The following PIK3C2A variants were observed in gnomAD, a reference collection of about 807,000 sequenced individuals.
The protein encoded by PIK3C2A is phosphatidylinositol-4-phosphate 3-kinase catalytic subunit type 2 alpha.
Under a neutral mutation model 204.5 loss-of-function variants are expected in PIK3C2A, and 97 were observed. The observed-to-expected ratio is 0.47, with a 90% confidence interval of 0.40 to 0.56. The LOEUF is 0.56. PIK3C2A is among the 20% of genes least tolerant of loss of function. The probability of loss-of-function intolerance (pLI) is 0.00; values close to 1 mark genes in which losing one functional copy is unlikely to be tolerated. For synonymous variants in PIK3C2A, 653 were observed against 664.4 expected (o/e 0.98, Z 0.26); for missense variants, 1,735 against 1,969.2 (o/e 0.88, Z 2.25).
intron 21 of PIK3C2A, among the ~76,000 whole-genome samples, chr11:17,110,900 T>C (rs930920340): frequency 3.3e-5 from 5 of 151,970 alleles, no homozygotes; most frequent in African/African-American, 4.8e-5. Flanking sequence ...TATTCAATTA[T>C]TTATTTATTT....
chr11:17,146,734 A>G (rs1424833969), intron 6 of PIK3C2A, among the ~76,000 whole-genome samples: 1 of 152,002 alleles, frequency 6.6e-6, no homozygotes, highest in East Asian at 1.9e-4. Context: ...AAGAAAAAAA[A>G]AAAGAACATC....
At chr11:17,175,875 A>G (rs922787703) in intron 1 of PIK3C2A, among the ~76,000 whole-genome samples, 1 of 152,208 alleles carries the variant, frequency 6.6e-6, no homozygotes, top group Non-Finnish European at 1.5e-5. Flanking sequence ...TGTTTTCCTG[A>G]TCTTAAAATT....
chr11:17,166,972 A>G (rs986676901), intron 2 of PIK3C2A, among the ~76,000 whole-genome samples: 5 of 151,978 alleles, frequency 3.3e-5, no homozygotes, highest in East Asian at 1.9e-4. Context: ...CTTCCCCCCA[A>G]CTGCCCCTTT....
At chr11:17,138,270 G>T in intron 8 of PIK3C2A, 1 of 767,814 alleles carries the variant, frequency 1.3e-6, no homozygotes. Context: ...GGACAGGCTA[G>T]GAAAGCCTAT....
intron 24 of PIK3C2A, among the ~76,000 whole-genome samples, chr11:17,101,983 A>G (rs1047204946): frequency 3.3e-5 from 5 of 152,232 alleles, no homozygotes; most frequent in Admixed American, 3.3e-4. Context: ...ATTTCCTTAC[A>G]TATGAAAATA....
In PIK3C2A at chr11:17,189,490, C is replaced by T. The variant is rs1851867765; in HGVS notation, c.-66+18358G>A. The stretch of plus-strand genomic sequence containing the variant: ...ATTAGCTGGGCATGGTAGCACAGGC[C>T]TGTAATCCCAGATACTCAGGAGACT... On this transcript the variant is annotated intron_variant, in intron 1 of 32. Transcript: ENST00000691414. 1.4e-5 allele frequency among the ~76,000 whole-genome samples: 2 copies of T among 146,062 alleles called. 1 individual carries two copies. Among genetic ancestry groups the T allele is most frequent in the African/African-American group, 5.6e-5 (2 of 35,860 alleles).
chr11:17,165,697 C>T (rs1025812624), intron 2 of PIK3C2A, among the ~76,000 whole-genome samples: 1 of 144,848 alleles, frequency 6.9e-6, no homozygotes, highest in African/African-American at 2.6e-5. Flanking sequence ...ATCGCTTGAA[C>T]CCAGCAGGCA....
rs1361778476 is a variant in PIK3C2A at position 17,089,768 on chromosome 11, C to G, written c.5031G>C (p.Trp1677Cys). The G allele has an allele frequency of 6.2e-7, 1 of 1,613,770 alleles. No individual in the cohort carries two copies. Among genetic ancestry groups the G allele is most frequent in the Middle Eastern group, 1.7e-4 (1 of 6,058 alleles). Residue 1677 changes from tryptophan (W) to cysteine (C), a missense_variant, in exon 33 of 33, where the codon TGG becomes TGC. This residue lies in a region of PIK3C2A where 503 missense variants were observed against 669.0 expected (regional missense o/e 0.75). Coordinates refer to ENST00000691414, the MANE Select transcript of PIK3C2A (RefSeq NM_002645.4). ...AGTATGTTGCCGCAGTCAGCTGATA[C>G]CATTTAACCGTCTCTTTGCTCAAGT... Reference protein sequence around the residue: ...DFNLSKETVKWYQLTAATYL With the variant: ...DFNLSKETVKCYQLTAATYL
At chr11:17,109,950 A>C (rs950546511) in intron 22 of PIK3C2A, among the ~76,000 whole-genome samples, 1 of 152,052 alleles carries the variant, frequency 6.6e-6, no homozygotes, top group African/African-American at 2.4e-5. Context: ...AGGTTAAAAA[A>C]ATTTTTTTTT....
intron 2 of PIK3C2A, among the ~76,000 whole-genome samples, chr11:17,159,399 C>T (rs147330474): frequency 3.7e-4 from 56 of 152,274 alleles, no homozygotes; most frequent in Non-Finnish European, 6.3e-4. Flanking sequence ...AAGAAGTTTG[C>T]AGGGGAAGAT....
At position 17,091,039 on chromosome 11, in the gene PIK3C2A, G is replaced by A. The variant is rs886429821; in HGVS notation, c.4878+295C>T. On this transcript the variant is annotated intron_variant, in intron 32 of 32. Coordinates refer to ENST00000691414, the MANE Select transcript of PIK3C2A (RefSeq NM_002645.4). ...TAGGATTACAGGCATGAGCCACTGC[G>A]CCTGGCCTTAAAATGTTTTAAAATT... 2.6e-5 allele frequency among the ~76,000 whole-genome samples: 4 copies of A among 151,810 alleles called. No individual in the cohort carries two copies. The East Asian group carries it at 5.8e-4, about 22-fold the overall frequency.
intron 1 of PIK3C2A, among the ~76,000 whole-genome samples, chr11:17,181,622 ATATATATATATATATATATAT>A (rs1851560189): frequency 1.3e-3 from 2 of 1,498 alleles, no homozygotes; most frequent in Non-Finnish European, 7.0e-3. Context: ...ATATATATAT[ATATATATATATATATATATAT>A]ATATATATAT....
rs79289164 is a variant in PIK3C2A, at chr11:17,126,629, A to T, written c.2399+2671T>A. On this transcript the variant is annotated intron_variant, in intron 13 of 32. Transcript: ENST00000691414. ...TAATGTAGAGAAACAAAGTGTAATA[A>T]TAATAATCATCTCTCTTAATCATCT... is the stretch of plus-strand genomic sequence containing the variant. Among the ~76,000 whole-genome samples the T allele has an allele frequency of 1.3e-3, 192 of 152,302 alleles. 1 individual carries two copies. Among genetic ancestry groups the T allele is most frequent in the African/African-American group, 4.1e-3 (169 of 41,552 alleles).
In PIK3C2A at chr11:17,101,818, T is replaced by G. The variant is rs1016968905; in HGVS notation, c.3852-384A>C. 1.5e-4 allele frequency among the ~76,000 whole-genome samples: 23 copies of G among 151,944 alleles called. 1 individual carries two copies. Among genetic ancestry groups the G allele is most frequent in the South Asian group, 1.2e-3 (6 of 4,814 alleles). Reference sequence around the variant, plus strand: ...CGGGGTTTCACCGTGTTAGCCAGGATGGTCTCGATCTCCTGACCTTGTGAT... The same window carrying G: ...CGGGGTTTCACCGTGTTAGCCAGGAGGGTCTCGATCTCCTGACCTTGTGAT... On this transcript the variant is annotated intron_variant, in intron 24 of 32. Coordinates refer to ENST00000691414, the MANE Select transcript of PIK3C2A (RefSeq NM_002645.4).
intron 1 of PIK3C2A, among the ~76,000 whole-genome samples, chr11:17,186,060 C>T (rs1264696367): frequency 6.6e-6 from 1 of 152,206 alleles, no homozygotes; most frequent in Non-Finnish European, 1.5e-5. Flanking sequence ...TGCACTGCTT[C>T]CATCACACTG....
chr11:17,102,568 T>C, intron 24 of PIK3C2A, 94 bp downstream of exon 24: 4 of 947,164 alleles, frequency 4.2e-6, no homozygotes, highest in Non-Finnish European at 6.5e-6. Context: ...TATGTTCAAA[T>C]GGAGCCGCGA....
At chr11:17,188,295 T>C (rs1393252010) in intron 1 of PIK3C2A, among the ~76,000 whole-genome samples, 1 of 145,882 alleles carries the variant, frequency 6.9e-6, no homozygotes, top group Non-Finnish European at 1.5e-5. Flanking sequence ...GCTGAGATCA[T>C]GCACCACTAC....
chr11:17,117,583 G>C lies in PIK3C2A; in HGVS notation c.3124C>G (p.Leu1042Val). The C allele has an allele frequency of 6.2e-7, 1 of 1,613,172 alleles. No individual in the cohort carries two copies. Among genetic ancestry groups the C allele is most frequent in the Non-Finnish European group, 8.5e-7 (1 of 1,179,302 alleles). ...GTCTGTTTTAGAAGTTCTTCTCTAA[G>C]TCGTTTTCCTCCTACTGACAGGAGA... ...GALLSVGGKR[L>V]REELLKQTKL... Residue 1042 changes from leucine (L) to valine (V), a missense_variant, in exon 19 of 33, where the codon CTT becomes GTT. Transcript: ENST00000691414.
At chr11:17,129,510 TG>T in intron 12 of PIK3C2A, 43 bp from the exon 13 acceptor site, 1 of 1,297,012 alleles carries the variant, frequency 7.7e-7, no homozygotes, top group Non-Finnish European at 1.1e-6. Context: ...TTAGATTGAA[TG>T]ATTTTGAAAT....
Sources: gnomAD v4.1 joint callset for allele counts (sites outside exome capture counted in the v4.1 genomes callset) on GRCh38, gnomAD v4.1.1 for gene constraint, gnomAD v4.1.1 regional missense constraint, MANE v1.5 for transcripts, NCBI Gene and HGNC (gene_info 2026-07-23, HGNC 2026-07-21) for gene names.